The following COL19A1 variants were observed in gnomAD, a reference collection of about 807,000 sequenced individuals.
COL19A1 encodes the protein collagen type XIX alpha 1 chain, also known as collagen alpha-1(XIX) chain.
COL19A1 carries 159 observed loss-of-function variants against 190.2 expected under a neutral mutation model. The observed-to-expected ratio is 0.84, with a 90% CI of 0.73 to 0.95. COL19A1 has a LOEUF of 0.95. Ranked by LOEUF, COL19A1 falls within the 40% of genes least tolerant of loss-of-function variation. COL19A1 has a pLI of 0.00. For synonymous variants in COL19A1, 509 were observed against 458.9 expected (o/e 1.11, Z -1.39); for missense variants, 1,418 against 1,431.9 (o/e 0.99, Z 0.16).
chr6:70,096,108 G>T (rs1394325285), intron 15 of COL19A1, among the ~76,000 whole-genome samples: 1 of 147,388 alleles, frequency 6.8e-6, no homozygotes, highest in South Asian at 2.2e-4. Flanking sequence ...TTGAGAGAGG[G>T]TCTCACTCTG....
intron 44 of COL19A1, among the ~76,000 whole-genome samples, 169 bp from the exon 45 acceptor site, chr6:70,184,534 G>A (rs894663179): frequency 1.4e-4 from 22 of 152,082 alleles, no homozygotes; most frequent in Non-Finnish European, 1.2e-4. Flanking sequence ...GTCAGAATCC[G>A]AACTCAGGAC....
At chr6:69,872,235 G>A (rs754462597) in intron 1 of COL19A1, among the ~76,000 whole-genome samples, 1 of 152,122 alleles carries the variant, frequency 6.6e-6, no homozygotes, top group Non-Finnish European at 1.5e-5. Flanking sequence ...TCTGTGACCA[G>A]AGTGGTACAA....
chr6:70,145,810 TCCGG>T (rs1786599010), intron 25 of COL19A1, among the ~76,000 whole-genome samples: 2 of 144,716 alleles, frequency 1.4e-5, no homozygotes, highest in Non-Finnish European at 3.0e-5. Context: ...AGCCTCCACC[TCCGG>T]GATTCAAGTG....
intron 13 of COL19A1, among the ~76,000 whole-genome samples, chr6:70,034,746 C>T (rs551084614): frequency 1.3e-5 from 2 of 152,176 alleles, no homozygotes; most frequent in East Asian, 3.9e-4. Flanking sequence ...GACATGTTGG[C>T]AATGATCTTG....
At chr6:70,180,566 G>A (rs1766111864) in intron 44 of COL19A1, 43 bp downstream of exon 44, 1 of 1,585,000 alleles carries the variant, frequency 6.3e-7, no homozygotes, top group East Asian at 2.2e-5. Context: ...CTAGAGAAAT[G>A]CTCTAACATT....
chr6:70,013,612 A>C (rs1356391485), intron 11 of COL19A1, among the ~76,000 whole-genome samples: 2 of 33,138 alleles, frequency 6.0e-5, no homozygotes, highest in African/African-American at 2.8e-4. Flanking sequence ...GAAAATCTAG[A>C]AGAAATGGAT....
At chr6:70,204,314 G>A (rs1055853917) in intron 49 of COL19A1, among the ~76,000 whole-genome samples, 3 of 152,086 alleles carry the variant, frequency 2.0e-5, no homozygotes, top group Admixed American at 2.0e-4. Flanking sequence ...TTCCTACAAG[G>A]AGTTTTGTTA....
chr6:70,030,930 C>T (rs1021934000), intron 12 of COL19A1, among the ~76,000 whole-genome samples: 4 of 152,222 alleles, frequency 2.6e-5, no homozygotes, highest in Non-Finnish European at 5.9e-5. Flanking sequence ...CCCTTTTATG[C>T]TCCCACTCTT....
intron 48 of COL19A1, among the ~76,000 whole-genome samples, chr6:70,192,121 C>T (rs1037143847): frequency 6.6e-6 from 1 of 152,024 alleles, no homozygotes; most frequent in African/African-American, 2.4e-5. Flanking sequence ...AGTGCAATGA[C>T]GCGATCTCAG....
chr6:70,103,289 C>T (rs1783747015), intron 16 of COL19A1, among the ~76,000 whole-genome samples: 1 of 152,112 alleles, frequency 6.6e-6, no homozygotes, highest in South Asian at 2.1e-4. Context: ...CTGTCAACGG[C>T]CTTAGTTTAG....
At chr6:69,896,694 A>T (rs1769798401) in intron 2 of COL19A1, among the ~76,000 whole-genome samples, 1 of 152,046 alleles carries the variant, frequency 6.6e-6, no homozygotes, top group African/African-American at 2.4e-5. Flanking sequence ...TTAGCCATTT[A>T]GTGATATCTC....
In COL19A1 at chr6:70,133,678, A is replaced by C. The variant is rs76415498; in HGVS notation, c.1383+3455A>C. The stretch of plus-strand genomic sequence containing the variant: ...CTACAGCACCAAGCTAATAGCATCG[A>C]AAGTGTCAAACTGAAGGAGAGTCTT... On this transcript the variant is annotated intron_variant, in intron 18 of 50. Coordinates refer to ENST00000620364, the MANE Select transcript of COL19A1 (RefSeq NM_001858.6). Among the ~76,000 whole-genome samples the C allele has an allele frequency of 4.9e-3, 746 of 152,304 alleles. 7 individuals are homozygous for C. The highest frequency in any genetic ancestry group is 0.017 in the African/African-American group (712 of 41,570).
At chr6:69,972,133 C>A (rs1170065513) in intron 11 of COL19A1, among the ~76,000 whole-genome samples, 1 of 152,108 alleles carries the variant, frequency 6.6e-6, no homozygotes, top group Non-Finnish European at 1.5e-5. Context: ...CCATCAGTGT[C>A]CCCACTGCTT....
chr6:69,908,754 A>C (rs1472075857), intron 4 of COL19A1, among the ~76,000 whole-genome samples: 1 of 152,160 alleles, frequency 6.6e-6, no homozygotes, highest in Non-Finnish European at 1.5e-5. Context: ...GATTTCATAT[A>C]ACTCAGTATT....
chr6:70,039,907 C>T (rs780885011), intron 14 of COL19A1, among the ~76,000 whole-genome samples: 4 of 150,196 alleles, frequency 2.7e-5, no homozygotes, highest in South Asian at 2.1e-4. Context: ...GGACTACAGA[C>T]GGTTGGCACT....
intron 48 of COL19A1, 142 bp downstream of exon 48, chr6:70,190,523 C>G (rs550276970): frequency 8.2e-6 from 5 of 612,902 alleles, no homozygotes; most frequent in African/African-American, 7.5e-5. Context: ...GATGGGACAG[C>G]TCTTTGATGA....
intron 15 of COL19A1, among the ~76,000 whole-genome samples, chr6:70,088,665 AT>A (rs199849552): frequency 6.6e-6 from 1 of 152,064 alleles, no homozygotes; most frequent in African/African-American, 2.4e-5. Flanking sequence ...AAATAGCCTT[AT>A]TTTTTTGTGC....
chr6:70,142,914 C>T, intron 23 of COL19A1, 94 bp downstream of exon 23: 1 of 1,157,710 alleles, frequency 8.6e-7, no homozygotes, highest in South Asian at 1.4e-5. Context: ...CTGAGTTATC[C>T]CTCATTTCCC....
At chr6:69,962,307 A>T (rs950212036) in intron 10 of COL19A1, among the ~76,000 whole-genome samples, 1 of 152,200 alleles carries the variant, frequency 6.6e-6, no homozygotes, top group Admixed American at 6.5e-5. Flanking sequence ...CATAGTGGAC[A>T]AGAAGAAGCA....
Sources: allele counts gnomAD v4.1 joint callset (sites outside exome capture counted in the v4.1 genomes callset), GRCh38; gene constraint gnomAD v4.1.1; transcripts MANE v1.5; gene names NCBI Gene and HGNC (gene_info 2026-07-23, HGNC 2026-07-21).